The following OGFOD1 variants were observed in gnomAD, a reference collection of about 807,000 sequenced individuals.
OGFOD1 encodes prolyl 3-hydroxylase OGFOD1.
In OGFOD1, 54 loss-of-function variants were observed where a neutral mutation model predicts 67.7. The observed-to-expected ratio is 0.80, with a 90% CI of 0.64 to 1.00. OGFOD1 has a LOEUF of 1.00. Among genes scored for constraint, OGFOD1 ranks in the 50% least tolerant of loss-of-function variants. The pLI is 0.00. For synonymous variants in OGFOD1, 221 were observed against 227.0 expected, an observed-to-expected ratio of 0.97 and a Z score of 0.24; for missense variants, 606 against 646.7, an observed-to-expected ratio of 0.94 and a Z score of 0.68.
intron 4 of OGFOD1, 36 bp downstream of exon 4, chr16:56,462,670 A>G: frequency 1.6e-6 from 2 of 1,260,222 alleles, no homozygotes; most frequent in Non-Finnish European, 2.3e-6. Flanking sequence ...TGTAAGATAT[A>G]AAGGCTTTAA....
chr16:56,458,725 A>G (rs1401683619), intron 3 of OGFOD1, 131 bp downstream of exon 3: 5 of 734,408 alleles, frequency 6.8e-6, no homozygotes, highest in East Asian at 5.5e-5. Flanking sequence ...AGAGGAGGAA[A>G]GAGACCGAGA....
At chr16:56,452,127 AT>A (rs1962358646) in intron 1 of OGFOD1, 1 of 199,120 alleles carries the variant, frequency 5.0e-6, no homozygotes, top group African/African-American at 2.3e-5. Context: ...CCTAAGTAAA[AT>A]GGGATAGTTC....
Position 56,460,556 on chromosome 16 carries a change from C to T in OGFOD1, c.347+1962C>T, listed in dbSNP as rs560492827. Among the ~76,000 whole-genome samples the T allele has an allele frequency of 7.9e-5, 12 of 152,320 alleles. No individual in the cohort carries two copies. In the South Asian group the frequency reaches 2.5e-3, roughly 32 times the overall value. On this transcript the variant is annotated intron_variant, in intron 3 of 12. Transcript: ENST00000566157. ...CCATTTTACATAATTTCCAACTCTG[C>T]CTTTAAAAGTTACATGGCACCTCTG...
chr16:56,468,511 CAGG>C (rs1170160911), intron 8 of OGFOD1, among the ~76,000 whole-genome samples: 2 of 152,116 alleles, frequency 1.3e-5, no homozygotes, highest in African/African-American at 4.8e-5. Flanking sequence ...AATCTGAGGT[CAGG>C]AGTTCAAGAC....
intron 10 of OGFOD1, among the ~76,000 whole-genome samples, chr16:56,472,963 G>A (rs1596988010): frequency 1.3e-5 from 2 of 152,192 alleles, no homozygotes; most frequent in African/African-American, 2.4e-5. Context: ...ACAGAGTCTC[G>A]CTCTGTTGCC....
At chr16:56,457,480 C>T (rs1962561044) in intron 2 of OGFOD1, among the ~76,000 whole-genome samples, 1 of 152,150 alleles carries the variant, frequency 6.6e-6, no homozygotes, top group Non-Finnish European at 1.5e-5. Context: ...CTGATGATCG[C>T]CCAACATTGT....
chr16:56,470,848 T>C, intron 10 of OGFOD1, 57 bp downstream of exon 10: 7 of 1,450,590 alleles, frequency 4.8e-6, no homozygotes, highest in Non-Finnish European at 6.4e-6. Flanking sequence ...CATTCAAACA[T>C]GTATTCATTC....
intron 12 of OGFOD1, 101 bp from the exon 13 acceptor site, chr16:56,475,943 A>AT (rs1293796130): frequency 9.1e-7 from 1 of 1,101,712 alleles, no homozygotes; most frequent in East Asian, 2.4e-5. Flanking sequence ...CTATCCCCAG[A>AT]TTAAGTGCTT....
chr16:56,475,078 C>A, intron 11 of OGFOD1, 128 bp downstream of exon 11: 1 of 946,108 alleles, frequency 1.1e-6, no homozygotes, highest in Non-Finnish European at 1.6e-6. Flanking sequence ...CATGGGATCT[C>A]AAAGTCAAAG....
Position 56,467,949 on chromosome 16 carries a change from G to A in OGFOD1, c.831G>A (p.Met277Ile), listed in dbSNP as rs779256558. Residue 277 changes from methionine to isoleucine, a missense_variant, in exon 8 of 13, where the codon ATG becomes ATA. Coordinates refer to ENST00000566157, the MANE Select transcript of OGFOD1 (RefSeq NM_018233.4). ...YDWINPTYLD[M>I]DYQVQIQEEF... ...GGATCAACCCTACTTATCTGGACAT[G>A]GATTACCAAGTTCAAATTCAAGAAG... 6.2e-7 allele frequency: 1 copy of A among 1,609,522 alleles called. No homozygotes were observed. Among genetic ancestry groups the A allele is most frequent in the Non-Finnish European group, 8.5e-7 (1 of 1,175,878 alleles).
At chr16:56,471,353 C>A in intron 10 of OGFOD1, among the ~76,000 whole-genome samples, 1 of 146,398 alleles carries the variant, frequency 6.8e-6, no homozygotes, top group African/African-American at 2.5e-5. Flanking sequence ...CAGAGCGAGA[C>A]TACATCTCAA....
At position 56,479,088 on chromosome 16, in the gene OGFOD1, G is replaced by A. The variant is rs1963594866; in HGVS notation, c.*2883G>A. 6.6e-6 allele frequency: 1 copy of A among 152,186 alleles called. No homozygotes were observed. The highest frequency in any genetic ancestry group is 2.4e-5 in the African/African-American group (1 of 41,448). The allele number at this position is 152,186 out of a possible 1,614,324, so 9.4% of individuals were successfully genotyped here. ...TATACCTCTTTCAGATAAAAGCTAT[G>A]ATGTTCACCTGTAAAATATATGGTT... On this transcript the variant is annotated 3_prime_UTR_variant, in exon 13 of 13. Transcript: ENST00000566157.
chr16:56,467,926 A>T lies in OGFOD1; in HGVS notation c.808A>T (p.Ile270Phe), dbSNP rs1962973715. The T allele has an allele frequency of 6.3e-7, 1 of 1,597,266 alleles. No individual in the cohort carries two copies. The highest frequency in any genetic ancestry group is 8.6e-7 in the Non-Finnish European group (1 of 1,164,706). Residue 270 changes from isoleucine to phenylalanine, a missense_variant, in exon 8 of 13, where the codon ATC becomes TTC. Coordinates refer to ENST00000566157, the MANE Select transcript of OGFOD1 (RefSeq NM_018233.4). ...PQDHEILYDW[I>F]NPTYLDMDYQ... is the part of the protein sequence containing the mutation. ...TAAGCATGAGATTTTGTATGATTGG[A>T]TCAACCCTACTTATCTGGACATGGA...
At chr16:56,458,474 T>C (rs1962601625) in intron 2 of OGFOD1, 74 bp from the exon 3 acceptor site, 1 of 1,329,168 alleles carries the variant, frequency 7.5e-7, no homozygotes, top group South Asian at 1.2e-5. Context: ...ACCAGAACAC[T>C]CACTAAACTG....
chr16:56,473,461 T>C (rs1292958181), intron 10 of OGFOD1, among the ~76,000 whole-genome samples: 1 of 152,198 alleles, frequency 6.6e-6, no homozygotes, highest in African/African-American at 2.4e-5. Flanking sequence ...TTCAGAATGC[T>C]TCTCAGAAGT....
rs1962343713 is a variant in OGFOD1, at chr16:56,451,745, C to T, written c.133C>T (p.Arg45Cys). The change falls in exon 1 of 13, where the codon CGC (arginine) becomes TGC (cysteine). Residue 45 changes from arginine (R) to cysteine (C), a missense_variant. By Grantham distance (180) the Arg-to-Cys change is radical. Coordinates refer to ENST00000566157, the MANE Select transcript of OGFOD1 (RefSeq NM_018233.4). ...LKKQVAEAWS[R>C]RTPFSHEVIV... ...AAAGCAGGTGGCTGAGGCCTGGAGC[C>T]GCAGGACGCCGTTCAGTCACGGTAA... The T allele has an allele frequency of 1.2e-6, 2 of 1,612,906 alleles. No individual in the cohort carries two copies. The highest frequency in any genetic ancestry group is 1.7e-6 in the Non-Finnish European group (2 of 1,179,890).
In OGFOD1 at chr16:56,451,639, C is replaced by T. The variant is rs1262716735; in HGVS notation, c.27C>T (p.Pro9=). MNGKRPAE[P]GPARVGKKGK... is the part of the protein sequence containing the mutation. ...TGAATGGGAAGCGGCCAGCGGAGCC[C>T]GGCCCAGCCCGGGTGGGAAAAAAGG... Residue 9 remains proline (P), a synonymous_variant, in exon 1 of 13, where the codon CCC becomes CCT. Transcript: ENST00000566157. The T allele has an allele frequency of 6.2e-7, 1 of 1,613,856 alleles. No homozygotes were observed. The highest frequency in any genetic ancestry group is 8.5e-7 in the Non-Finnish European group (1 of 1,179,996).
chr16:56,454,803 C>T, intron 2 of OGFOD1: 1 of 445,174 alleles, frequency 2.2e-6, no homozygotes, highest in Non-Finnish European at 4.5e-6. Context: ...TGTATCCTGA[C>T]CTTCCCCAGA....
At chr16:56,454,406 G>GT (rs1962444992) in intron 2 of OGFOD1, among the ~76,000 whole-genome samples, 1 of 150,546 alleles carries the variant, frequency 6.6e-6, no homozygotes, top group East Asian at 1.9e-4. Context: ...CTATATTACA[G>GT]TATGCTCTAC....
Sources: allele counts gnomAD v4.1 joint callset (sites outside exome capture counted in the v4.1 genomes callset), GRCh38; gene constraint gnomAD v4.1.1; transcripts MANE v1.5; gene names NCBI Gene and HGNC (gene_info 2026-07-23, HGNC 2026-07-21).